The following TNNI3K variants were observed in gnomAD, a reference collection of about 807,000 sequenced individuals.
TNNI3K encodes the protein serine/threonine-protein kinase TNNI3K.
In TNNI3K, 140 loss-of-function variants were observed where a neutral mutation model predicts 114.5. The observed-to-expected ratio is 1.22, with a 90% CI of 1.07 to 1.41. TNNI3K has a LOEUF of 1.41. TNNI3K is among the 40% of genes most tolerant of loss of function. The probability of loss-of-function intolerance (pLI) is 0.00; values close to 1 mark genes in which losing one functional copy is unlikely to be tolerated. For synonymous variants in TNNI3K, 347 were observed against 347.5 expected (o/e 1.00, Z 0.02); for missense variants, 1,125 against 1,007.6 (o/e 1.12, Z -1.58).
At chr1:74,354,825 G>A (rs1158085439) in intron 11 of TNNI3K, among the ~76,000 whole-genome samples, 1 of 152,158 alleles carries the variant, frequency 6.6e-6, no homozygotes, top group Non-Finnish European at 1.5e-5. Flanking sequence ...AACAGTGGCT[G>A]ACACAAAATA....
intron 21 of TNNI3K, among the ~76,000 whole-genome samples, chr1:74,482,164 A>C (rs1309528431): frequency 6.6e-6 from 1 of 152,138 alleles, no homozygotes; most frequent in East Asian, 1.9e-4. Context: ...ATGGGTCCCC[A>C]GTCCTTTAGG....
chr1:74,530,102 T>A (rs1289009774), intron 23 of TNNI3K, among the ~76,000 whole-genome samples: 2 of 152,164 alleles, frequency 1.3e-5, no homozygotes, highest in African/African-American at 2.4e-5. Context: ...AGTGCTGGGA[T>A]TACAAGCATG....
rs151065055 is a variant in TNNI3K at position 74,403,266 on chromosome 1, T to A, written c.1773-32814T>A. Among the ~76,000 whole-genome samples the A allele has an allele frequency of 2.0e-5, 3 of 152,252 alleles. No individual in the cohort carries two copies. The East Asian group carries it at 5.8e-4, about 29-fold the overall frequency. The stretch of plus-strand genomic sequence containing the variant: ...GCTGTTTTCGAACCTTCAAAAAATA[T>A]TTTATACAGTTCCTCTCAGAAGTAG... On this transcript the variant is annotated intron_variant, in intron 17 of 24. Coordinates refer to ENST00000326637, the MANE Select transcript of TNNI3K (RefSeq NM_015978.3).
chr1:74,236,256 A>G, intron 2 of TNNI3K, 46 bp downstream of exon 2: 1 of 1,514,050 alleles, frequency 6.6e-7, no homozygotes, highest in Non-Finnish European at 9.0e-7. Flanking sequence ...TGTCTTCAGT[A>G]TTCACCTTAT....
At chr1:74,517,443 T>G (rs1364752659) in intron 23 of TNNI3K, among the ~76,000 whole-genome samples, 2 of 152,244 alleles carry the variant, frequency 1.3e-5, no homozygotes, top group Non-Finnish European at 2.9e-5. Flanking sequence ...CAAGGTACTG[T>G]GCTGGTGGTA....
chr1:74,464,228 C>CA (rs1335554963), intron 21 of TNNI3K, among the ~76,000 whole-genome samples: 1 of 152,200 alleles, frequency 6.6e-6, no homozygotes, highest in Non-Finnish European at 1.5e-5. Flanking sequence ...GCTTTGTTCT[C>CA]AGAGTGTCAC....
chr1:74,485,108 G>A (rs1668688291), intron 21 of TNNI3K, among the ~76,000 whole-genome samples: 2 of 152,124 alleles, frequency 1.3e-5, no homozygotes, highest in South Asian at 4.1e-4. Flanking sequence ...GAACTTTCTA[G>A]CTAGTGATAG....
At chr1:74,458,991 T>C (rs971439041) in intron 20 of TNNI3K, among the ~76,000 whole-genome samples, 4 of 152,182 alleles carry the variant, frequency 2.6e-5, no homozygotes, top group East Asian at 3.9e-4. Context: ...TTCCCACTTA[T>C]AGGTGAGAAC....
intron 17 of TNNI3K, among the ~76,000 whole-genome samples, chr1:74,385,053 A>C (rs1663403398): frequency 6.6e-6 from 1 of 152,126 alleles, no homozygotes; most frequent in Non-Finnish European, 1.5e-5. Flanking sequence ...CTAATTGATC[A>C]GAATTATCTC....
At chr1:74,331,654 A>G (rs1186785361) in intron 6 of TNNI3K, 106 bp downstream of exon 6, 4 of 1,050,726 alleles carry the variant, frequency 3.8e-6, no homozygotes, top group Non-Finnish European at 5.2e-6. Context: ...TATTTGAATT[A>G]TTTTTGCCAT....
At chr1:74,236,076 C>A (rs1653838607) in intron 1 of TNNI3K, 26 bp from the exon 2 acceptor site, 4 of 1,584,982 alleles carry the variant, frequency 2.5e-6, no homozygotes, top group South Asian at 1.1e-5. Context: ...AACTATGAAT[C>A]AATCTCATTT....
At chr1:74,355,633 GAATA>G (rs1661614809) in intron 11 of TNNI3K, among the ~76,000 whole-genome samples, 1 of 146,964 alleles carries the variant, frequency 6.8e-6, no homozygotes, top group African/African-American at 2.7e-5. Flanking sequence ...ATAAATAAAT[GAATA>G]AATAAATAAA....
At chr1:74,388,984 C>A (rs1330849651) in intron 17 of TNNI3K, among the ~76,000 whole-genome samples, 6 of 152,186 alleles carry the variant, frequency 3.9e-5, no homozygotes, top group Non-Finnish European at 7.3e-5. Context: ...AAATATGTAA[C>A]CATCCTCAAA....
At chr1:74,457,000 A>G (rs912927362) in intron 20 of TNNI3K, among the ~76,000 whole-genome samples, 2 of 152,156 alleles carry the variant, frequency 1.3e-5, no homozygotes, top group Non-Finnish European at 2.9e-5. Context: ...TTAGATGATT[A>G]TGTCCTTTTC....
In TNNI3K at chr1:74,512,166, C is replaced by T. The variant is rs116745199; in HGVS notation, c.2351+19900C>T. ...AATAGCCCTGGGGCATGACTCGAAC[C>T]TGTGAGGGACCATAAAGGGGCATGA... On this transcript the variant is annotated intron_variant, in intron 23 of 24. Transcript: ENST00000326637. Among the ~76,000 whole-genome samples the T allele has an allele frequency of 3.0e-3, 458 of 152,278 alleles. 2 individuals carry two copies. The highest frequency in any genetic ancestry group is 0.01 in the African/African-American group (428 of 41,538).
intron 9 of TNNI3K, among the ~76,000 whole-genome samples, chr1:74,347,729 A>ATTT (rs1661095221): frequency 6.6e-6 from 1 of 152,022 alleles, no homozygotes; most frequent in African/African-American, 2.4e-5. Context: ...TGTGGTTTTG[A>ATTT]TTTGCATCTC....
intron 17 of TNNI3K, 58 bp from the exon 18 acceptor site, chr1:74,436,022 G>C (rs1368286850): frequency 6.4e-7 from 1 of 1,570,430 alleles, no homozygotes; most frequent in African/African-American, 1.4e-5. Flanking sequence ...GGGCCAATTA[G>C]ATTAGGACAT....
chr1:74,405,306 A>AT (rs1390623221), intron 17 of TNNI3K, among the ~76,000 whole-genome samples: 1 of 152,206 alleles, frequency 6.6e-6, no homozygotes, highest in Admixed American at 6.6e-5. Context: ...GTCTAAAAAA[A>AT]CCATGAGGCT....
chr1:74,378,030 G>T (rs535457156), intron 17 of TNNI3K, among the ~76,000 whole-genome samples: 2 of 152,156 alleles, frequency 1.3e-5, no homozygotes, highest in East Asian at 3.9e-4. Context: ...CAGAGGGTGA[G>T]TTCAGGGATG....
Sources: allele counts gnomAD v4.1 joint callset (sites outside exome capture counted in the v4.1 genomes callset), GRCh38; gene constraint gnomAD v4.1.1; transcripts MANE v1.5; gene names NCBI Gene and HGNC (gene_info 2026-07-23, HGNC 2026-07-21).